Variants in CDC14A observed in about 807,000 individuals in gnomAD.
The protein encoded by CDC14A is dual specificity protein phosphatase CDC14A.
In CDC14A, 53 loss-of-function variants were observed where a neutral mutation model predicts 74.4. The ratio of observed to expected loss-of-function variants is 0.71; its 90% CI spans 0.57 to 0.89. The LOEUF (loss-of-function observed/expected upper bound fraction) is 0.89, where lower values mean the gene tolerates loss of function less well. CDC14A is among the 40% of genes least tolerant of loss of function. The pLI, the probability that CDC14A is intolerant of heterozygous loss-of-function variation, is 0.00. For missense variants in CDC14A, 646 were observed against 713.7 expected (o/e 0.91, Z 1.08); for synonymous variants, 247 against 258.4 (o/e 0.96, Z 0.43).
chr1:100,459,112 C>CAGAGAGAGAG (rs1557781940), intron 8 of CDC14A, among the ~76,000 whole-genome samples: 17 of 147,902 alleles, frequency 1.1e-4, no homozygotes, highest in African/African-American at 4.4e-4. Flanking sequence ...CACACACACA[C>CAGAGAGAGAG]ACACACACAC....
chr1:100,444,461 C>G (rs1363141788), intron 7 of CDC14A, among the ~76,000 whole-genome samples: 3 of 152,182 alleles, frequency 2.0e-5, no homozygotes. Context: ...GATAAACTCT[C>G]CTGTCCTGGC....
At position 100,376,324 on chromosome 1, in the gene CDC14A, G is replaced by A. The variant is rs116090227; in HGVS notation, c.141-1222G>A. On this transcript the variant is annotated intron_variant, in intron 2 of 15. Transcript: ENST00000336454. ...ATATATATATATAAAGTACAGGTGT[G>A]AGATGAAAAGGATCTGGACTTCTGT... is the stretch of plus-strand genomic sequence containing the variant. Among the ~76,000 whole-genome samples the A allele has an allele frequency of 4.0e-3, 615 of 152,274 alleles. 8 individuals carry two copies. Among genetic ancestry groups the A allele is most frequent in the African/African-American group, 0.014 (568 of 41,558 alleles).
intron 4 of CDC14A, among the ~76,000 whole-genome samples, chr1:100,414,811 C>T (rs945274128): frequency 2.0e-5 from 3 of 152,236 alleles, no homozygotes; most frequent in Middle Eastern, 3.4e-3. Context: ...GCTCAGCTTG[C>T]GTAAGACTAA....
At chr1:100,372,825 C>T (rs914787577) in intron 2 of CDC14A, among the ~76,000 whole-genome samples, 1 of 152,184 alleles carries the variant, frequency 6.6e-6, no homozygotes, top group Non-Finnish European at 1.5e-5. Context: ...TACTTTTATT[C>T]TGCAGCTTCC....
chr1:100,353,899 C>A, intron 2 of CDC14A, 47 bp downstream of exon 2: 1 of 1,089,980 alleles, frequency 9.2e-7, no homozygotes, highest in Non-Finnish European at 1.4e-6. Flanking sequence ...TCAGCTTGTT[C>A]TTTGACGAGG....
At chr1:100,427,676 G>A (rs937156232) in intron 5 of CDC14A, among the ~76,000 whole-genome samples, 1 of 152,190 alleles carries the variant, frequency 6.6e-6, no homozygotes, top group African/African-American at 2.4e-5. Flanking sequence ...TGTGTCCTGA[G>A]GGAGCAAGTA....
chr1:100,467,582 C>T (rs1485480529), intron 9 of CDC14A, among the ~76,000 whole-genome samples: 1 of 152,040 alleles, frequency 6.6e-6, no homozygotes, highest in Non-Finnish European at 1.5e-5. Context: ...ATCTTTGTTG[C>T]AGTTGCTCAC....
intron 15 of CDC14A, among the ~76,000 whole-genome samples, chr1:100,509,949 C>T (rs1649577824): frequency 6.6e-6 from 1 of 152,136 alleles, no homozygotes; most frequent in Non-Finnish European, 1.5e-5. Context: ...CTCATTTTCC[C>T]TTATTTACTC....
chr1:100,406,417 C>CA (rs1172372859), intron 4 of CDC14A, among the ~76,000 whole-genome samples: 1 of 152,104 alleles, frequency 6.6e-6, no homozygotes, highest in Non-Finnish European at 1.5e-5. Context: ...TCTTTTGTTG[C>CA]AATTGTTTTT....
intron 11 of CDC14A, 134 bp downstream of exon 11, chr1:100,484,585 C>T (rs538333461): frequency 8.4e-5 from 109 of 1,297,430 alleles, no homozygotes; most frequent in South Asian, 1.4e-4. Flanking sequence ...TAGAGCCATC[C>T]GTCTATATAG....
At chr1:100,389,384 G>A (rs1054377820) in intron 3 of CDC14A, among the ~76,000 whole-genome samples, 2 of 150,222 alleles carry the variant, frequency 1.3e-5, no homozygotes, top group African/African-American at 2.4e-5. Flanking sequence ...CCTGGGAGGC[G>A]GAGGTTGCAG....
In CDC14A at chr1:100,518,341, G is replaced by A; in HGVS notation, c.*61G>A. On this transcript the variant is annotated 3_prime_UTR_variant, in exon 16 of 16. Transcript: ENST00000336454. The stretch of plus-strand genomic sequence containing the variant: ...AGACACAATTTCTTCATCTGGACGA[G>A]CAGTGGAGAGGGAAAGCAACTTCTT... The A allele has an allele frequency of 7.2e-7, 1 of 1,390,216 alleles. No individual in the cohort carries two copies. Among genetic ancestry groups the A allele is most frequent in the Non-Finnish European group, 1.0e-6 (1 of 978,062 alleles). 86.1% of individuals were successfully genotyped at this position (1,390,216 alleles called of 1,614,324 possible). A position where few individuals can be genotyped will look rare whatever the true frequency, so the allele number is the denominator to read the frequency against.
At chr1:100,430,859 C>T (rs1174232479) in intron 5 of CDC14A, among the ~76,000 whole-genome samples, 1 of 152,200 alleles carries the variant, frequency 6.6e-6, no homozygotes, top group Non-Finnish European at 1.5e-5. Context: ...ATGTTCCTTT[C>T]ATTCTCAACT....
At chr1:100,366,942 G>C (rs1218989089) in intron 2 of CDC14A, among the ~76,000 whole-genome samples, 2 of 152,082 alleles carry the variant, frequency 1.3e-5, no homozygotes, top group Admixed American at 6.5e-5. Context: ...GAACGCACGG[G>C]TACTCTGAAA....
chr1:100,420,061 C>CATATATAT (rs1377818349), intron 4 of CDC14A, among the ~76,000 whole-genome samples: 13 of 61,784 alleles, frequency 2.1e-4, no homozygotes, highest in South Asian at 7.9e-4. Context: ...CACACACACA[C>CATATATAT]ACATATATAT....
intron 4 of CDC14A, among the ~76,000 whole-genome samples, chr1:100,418,763 G>C (rs1365069120): frequency 6.6e-6 from 1 of 152,206 alleles, no homozygotes; most frequent in Non-Finnish European, 1.5e-5. Flanking sequence ...TTCTTGCTTA[G>C]TTCCGTCTCT....
At chr1:100,376,818 G>C (rs552487695) in intron 2 of CDC14A, among the ~76,000 whole-genome samples, 40 of 152,248 alleles carry the variant, frequency 2.6e-4, no homozygotes, top group African/African-American at 9.1e-4. Flanking sequence ...AGATACTTGA[G>C]AATTGTGAGC....
At chr1:100,450,762 A>G (rs917497345) in intron 7 of CDC14A, among the ~76,000 whole-genome samples, 3 of 152,012 alleles carry the variant, frequency 2.0e-5, no homozygotes, top group Non-Finnish European at 2.9e-5. Flanking sequence ...ACAATTCCCC[A>G]TGGCTTTTTT....
intron 4 of CDC14A, among the ~76,000 whole-genome samples, chr1:100,408,654 A>C (rs184104312): frequency 6.6e-6 from 1 of 152,076 alleles, no homozygotes; most frequent in Non-Finnish European, 1.5e-5. Context: ...TTTGATTTAC[A>C]TTTCTCTAAT....
Sources: gnomAD v4.1 joint callset for allele counts (sites outside exome capture counted in the v4.1 genomes callset) on GRCh38, gnomAD v4.1.1 for gene constraint, MANE v1.5 for transcripts, NCBI Gene and HGNC (gene_info 2026-07-23, HGNC 2026-07-21) for gene names.